TSPAN18: variants seen among roughly 807,000 people sequenced by gnomAD.
TSPAN18 encodes the protein tetraspanin-18.
In TSPAN18, 14 loss-of-function variants were observed where a neutral mutation model predicts 27.3. That is an observed-to-expected ratio of 0.51 (90% CI 0.34 to 0.80). TSPAN18 has a LOEUF of 0.80. TSPAN18 is among the 30% of genes least tolerant of loss of function. TSPAN18 has a pLI of 0.01. For missense variants in TSPAN18, 268 were observed against 323.9 expected, an observed-to-expected ratio of 0.83 and a Z score of 1.32; for synonymous variants, 143 against 136.5, an observed-to-expected ratio of 1.05 and a Z score of -0.33.
intron 3 of TSPAN18, among the ~76,000 whole-genome samples, chr11:44,895,858 C>T (rs1158160851): frequency 2.0e-5 from 3 of 152,168 alleles, no homozygotes; most frequent in African/African-American, 7.2e-5. Flanking sequence ...CGGCAGGAAA[C>T]CCATCACCCC....
intron 1 of TSPAN18, among the ~76,000 whole-genome samples, chr11:44,745,513 CTAAG>C (rs1426621571): frequency 2.0e-5 from 3 of 152,164 alleles, no homozygotes; most frequent in Non-Finnish European, 4.4e-5. Flanking sequence ...GCAAGAGAAT[CTAAG>C]GGAGTCAAAG....
At chr11:44,754,148 C>T (rs533566617) in intron 1 of TSPAN18, among the ~76,000 whole-genome samples, 18 of 152,152 alleles carry the variant, frequency 1.2e-4, no homozygotes, top group Non-Finnish European at 2.5e-4. Flanking sequence ...GGTCTTGCCT[C>T]CTGCGGACCT....
intron 2 of TSPAN18, among the ~76,000 whole-genome samples, chr11:44,811,157 C>CACAA (rs1192531441): frequency 1.3e-5 from 2 of 151,156 alleles, no homozygotes; most frequent in African/African-American, 2.4e-5. Context: ...CACACACACA[C>CACAA]ACACACACAC....
intron 1 of TSPAN18, among the ~76,000 whole-genome samples, chr11:44,762,982 C>T (rs909612641): frequency 3.3e-5 from 5 of 152,192 alleles, no homozygotes; most frequent in African/African-American, 1.2e-4. Flanking sequence ...GGAGATGGCA[C>T]TAGCACCGGG....
chr11:44,779,124 C>T (rs998166383), intron 2 of TSPAN18, among the ~76,000 whole-genome samples: 2 of 152,052 alleles, frequency 1.3e-5, no homozygotes, highest in African/African-American at 2.4e-5. Context: ...GATTGACCCC[C>T]ACAGCCCTTT....
chr11:44,793,206 T>G (rs188050079), intron 2 of TSPAN18, among the ~76,000 whole-genome samples: 1 of 152,144 alleles, frequency 6.6e-6, no homozygotes, highest in East Asian at 1.9e-4. Context: ...GCCCACCTAT[T>G]TGTACCACAT....
chr11:44,824,680 AT>A (rs1646479114), intron 2 of TSPAN18, among the ~76,000 whole-genome samples: 1 of 152,246 alleles, frequency 6.6e-6, no homozygotes, highest in South Asian at 2.1e-4. Context: ...GGCTCCTCAC[AT>A]CCCAGCCGCG....
chr11:44,789,083 G>A (rs1009246630), intron 2 of TSPAN18, among the ~76,000 whole-genome samples: 1 of 152,182 alleles, frequency 6.6e-6, no homozygotes, highest in Non-Finnish European at 1.5e-5. Flanking sequence ...TTCCCTTCGC[G>A]CTAACCTGAC....
intron 3 of TSPAN18, among the ~76,000 whole-genome samples, chr11:44,885,187 G>C (rs1858607362): frequency 6.6e-6 from 1 of 152,042 alleles, no homozygotes; most frequent in Non-Finnish European, 1.5e-5. Context: ...ATCCTCTCTT[G>C]TCCCCATCAC....
chr11:44,864,087 G>C (rs1210292944), intron 3 of TSPAN18, among the ~76,000 whole-genome samples: 1 of 151,926 alleles, frequency 6.6e-6, no homozygotes, highest in Non-Finnish European at 1.5e-5. Flanking sequence ...AGGAGTTCGA[G>C]AGCAGCCTGG....
intron 2 of TSPAN18, among the ~76,000 whole-genome samples, chr11:44,850,781 C>G (rs774842702): frequency 7.2e-5 from 11 of 152,110 alleles, no homozygotes; most frequent in Non-Finnish European, 1.5e-4. Flanking sequence ...GTGCAGGAGA[C>G]CCTGACGCTT....
rs1244625756 is a variant in TSPAN18 at position 44,763,328 on chromosome 11, C to A, written c.-239-1098C>A. Among the ~76,000 whole-genome samples the A allele has an allele frequency of 2.5e-3, 376 of 152,278 alleles. 3 individuals are homozygous for A. The highest frequency in any genetic ancestry group is 8.7e-3 in the African/African-American group (360 of 41,564). ...ATGTGACTGAGCCAATCTCTTGGGA[C>A]TGGCCTGTCTCTGCTGGCAGGTATG... On this transcript the variant is annotated intron_variant, in intron 1 of 9. Transcript: ENST00000520358.
intron 2 of TSPAN18, among the ~76,000 whole-genome samples, chr11:44,785,002 C>G (rs1296856244): frequency 6.6e-6 from 1 of 152,178 alleles, no homozygotes; most frequent in Non-Finnish European, 1.5e-5. Flanking sequence ...TTAAGAATAT[C>G]TATGGTGATT....
intron 2 of TSPAN18, among the ~76,000 whole-genome samples, chr11:44,822,570 A>AG (rs1302393408): frequency 6.6e-6 from 1 of 151,754 alleles, no homozygotes; most frequent in Non-Finnish European, 1.5e-5. Flanking sequence ...GGTGAGAATG[A>AG]GTCACATGAC....
intron 2 of TSPAN18, among the ~76,000 whole-genome samples, chr11:44,773,435 C>CA (rs1208391327): frequency 6.6e-6 from 1 of 151,628 alleles, no homozygotes; most frequent in East Asian, 1.9e-4. Flanking sequence ...ACCCAAAAAA[C>CA]AAAAAACAAA....
chr11:44,917,045 G>T (rs1230395605), intron 5 of TSPAN18, among the ~76,000 whole-genome samples: 2 of 152,226 alleles, frequency 1.3e-5, no homozygotes, highest in African/African-American at 2.4e-5. Context: ...ATTCATCCAT[G>T]TAAGAGTCCT....
At position 44,908,769 on chromosome 11, in the gene TSPAN18, GAGAAAGAAAGAAAGAA is replaced by G. The variant is rs370907948; in HGVS notation, c.64-890_64-875del. Among the ~76,000 whole-genome samples the G allele has an allele frequency of 1.2e-3, 83 of 71,694 alleles. 8 individuals are homozygous for G. In the South Asian group the frequency reaches 0.015, roughly 13 times the overall value. The allele number at this position is 71,694 out of a possible 152,430, so 47.0% of individuals were successfully genotyped here. A position where few individuals can be genotyped will look rare whatever the true frequency, so the allele number is the denominator to read the frequency against. Reference sequence around the variant, plus strand: ...AAGAGAGAGAGAGAGAGAGAGAAAGGAGAAAGAAAGAAAGAAAGAAAGAAAGAAAGAAAGAAAGAAA... The same window carrying G: ...AAGAGAGAGAGAGAGAGAGAGAAAGGAGAAAGAAAGAAAGAAAGAAAGAAA... On this transcript the variant is annotated intron_variant, in intron 4 of 9. Transcript: ENST00000520358.
intron 3 of TSPAN18, among the ~76,000 whole-genome samples, chr11:44,876,621 G>A (rs188523637): frequency 2.6e-5 from 4 of 152,216 alleles, no homozygotes; most frequent in Admixed American, 2.0e-4. Flanking sequence ...TCAAAGACAC[G>A]GTAACATCAG....
At chr11:44,897,944 C>T (rs10838380) in intron 3 of TSPAN18, 457,932 of 1,059,314 alleles carry the variant, frequency 0.43, 103,213 homozygotes, top group East Asian at 0.64. Context: ...GTGTCTCCTT[C>T]GGTCTTTCCC....
Sources: gnomAD v4.1 joint callset for allele counts (sites outside exome capture counted in the v4.1 genomes callset) on GRCh38, gnomAD v4.1.1 for gene constraint, MANE v1.5 for transcripts, NCBI Gene and HGNC (gene_info 2026-07-23, HGNC 2026-07-21) for gene names.